The following PKD1 variants were observed in gnomAD, a reference collection of about 807,000 sequenced individuals.
The protein encoded by PKD1 is polycystin-1.
PKD1 carries 81 observed loss-of-function variants against 361.7 expected under a neutral mutation model. That is an observed-to-expected ratio of 0.22 (90% confidence interval 0.19 to 0.27). The LOEUF is 0.27. Ranked by LOEUF, PKD1 falls within the 10% of genes least tolerant of loss-of-function variation. The pLI, the probability that PKD1 is intolerant of heterozygous loss-of-function variation, is 1.00. For missense variants in PKD1, 6,399 were observed against 6,118.3 expected (o/e 1.05, Z -1.53); for synonymous variants, 3,615 against 2,818.3 (o/e 1.28, Z -8.95).
Position 2,090,437 on chromosome 16 carries a change from C to G in PKD1, c.12292G>C (p.Ala4098Pro), listed in dbSNP as rs1346816281. 1.2e-6 allele frequency: 2 copies of G among 1,612,514 alleles called. No homozygotes were observed. The highest frequency in any genetic ancestry group is 1.1e-5 in the South Asian group (1 of 91,072). The change falls in exon 45 of 46, where the codon GCC (alanine) becomes CCC (proline). Residue 4098 changes from alanine (A) to proline (P), a missense_variant. Coordinates refer to ENST00000262304, the MANE Select transcript of PKD1 (RefSeq NM_001009944.3). ...VGLWALRLWG[A>P]LRLGAVILRW... Reference sequence around the variant, plus strand: ...AGAATAACAGCCCCCAGCCGTAGGGCGCCCCACAGCCGCAGTGCCCAGAGC... The same window carrying G: ...AGAATAACAGCCCCCAGCCGTAGGGGGCCCCACAGCCGCAGTGCCCAGAGC...
chr16:2,092,446 G>C (rs530595186), intron 39 of PKD1, 34 bp downstream of exon 39: 2 of 1,400,654 alleles, frequency 1.4e-6, no homozygotes, highest in Non-Finnish European at 2.0e-6. Flanking sequence ...CAAGAGGAAC[G>C]ATTTAAGTCT....
At position 2,090,507 on chromosome 16, in the gene PKD1, C is replaced by G. The variant is rs1179715061; in HGVS notation, c.12222G>C (p.Leu4074=). The change falls in exon 45 of 46, where the codon CTG becomes CTC. Residue 4074 remains leucine (L), a synonymous_variant. Coordinates refer to ENST00000262304, the MANE Select transcript of PKD1 (RefSeq NM_001009944.3). ...VLCPGTGLST[L]CPAESWHLSP... is the part of the protein sequence containing the mutation. Reference sequence around the variant, plus strand: ...ACAGGTGCCAGGACTCGGCAGGACACAGGGTAGAGAGCCCAGTCCCAGGGC... The same window carrying G: ...ACAGGTGCCAGGACTCGGCAGGACAGAGGGTAGAGAGCCCAGTCCCAGGGC... 1.2e-5 allele frequency: 20 copies of G among 1,611,354 alleles called. No homozygotes were observed. Among genetic ancestry groups the G allele is most frequent in the Non-Finnish European group, 1.4e-5 (17 of 1,179,508 alleles).
intron 39 of PKD1, 38 bp downstream of exon 39, chr16:2,092,442 G>A (rs746300094): frequency 7.3e-6 from 10 of 1,376,432 alleles, no homozygotes; most frequent in Admixed American, 3.4e-5. Context: ...TCAACAAGAG[G>A]AACGATTTAA....
Position 2,106,425 on chromosome 16 carries a change from T to C in PKD1, c.7462A>G (p.Thr2488Ala). ...LFPLGAVHAL[T>A]TKVHFECTGW... ...GTGCATTCGAAGTGCACCTTGGTGG[T>C]GAGGGCGTGCACAGCGCCCAGTGGG... The change falls in exon 18 of 46, where the codon ACC becomes GCC. Residue 2488 changes from threonine to alanine, a missense_variant. Thr to Ala is a moderately conservative substitution (Grantham distance 58). Transcript: ENST00000262304. The surrounding 1 kb of genome is among the most constrained non-coding windows in gnomAD (Gnocchi z 6.5). 6.3e-7 allele frequency: 1 copy of C among 1,588,764 alleles called. No homozygotes were observed. The highest frequency in any genetic ancestry group is 1.1e-5 in the South Asian group (1 of 88,904).
chr16:2,105,719 G>C (rs575484597), intron 20 of PKD1, 146 bp downstream of exon 20: 1 of 1,274,302 alleles, frequency 7.8e-7, no homozygotes, highest in Non-Finnish European at 1.1e-6. Context: ...TGCTGGGAGC[G>C]GAAGGTCGGG....
Position 2,110,651 on chromosome 16 carries a change from C to G in PKD1, c.4516G>C (p.Gly1506Arg). ...ASYLWDLGDG[G>R]WLEGPEVTHA... ...GTGACCTCCGGACCCTCGAGCCACC[C>G]ACCGTCCCCCAGATCCCACAGGTAG... Residue 1506 changes from glycine (G) to arginine (R), a missense_variant, in exon 15 of 46, where the codon GGG becomes CGG. Physicochemically the swap from Gly to Arg is moderately radical, Grantham distance 125 (BLOSUM62 -2). Transcript: ENST00000262304. 1.2e-6 allele frequency: 2 copies of G among 1,610,068 alleles called. No homozygotes were observed. The highest frequency in any genetic ancestry group is 2.2e-5 in the South Asian group (2 of 90,980).
chr16:2,132,592 GAA>G (rs1156324208), intron 1 of PKD1, among the ~76,000 whole-genome samples: 2 of 134,552 alleles, frequency 1.5e-5, no homozygotes, highest in African/African-American at 3.0e-5. Flanking sequence ...AAAAAAAAAA[GAA>G]AAAAAAAAAG....
chr16:2,099,342 T>C, intron 30 of PKD1: 2 of 419,808 alleles, frequency 4.8e-6, no homozygotes, highest in Admixed American at 3.5e-5. Flanking sequence ...CTGGAGTGCA[T>C]TTCGGAAGCG....
Position 2,090,886 on chromosome 16 carries a change from T to G in PKD1, c.12001A>C (p.Lys4001Gln). 2 of 1,603,772 alleles carry G rather than the reference T, an allele frequency of 1.2e-6. No individual in the cohort carries two copies. The highest frequency in any genetic ancestry group is 1.7e-6 in the Non-Finnish European group (2 of 1,179,414). ...AASLLFLLLV[K>Q]AAQQLRFVRQ... The stretch of plus-strand genomic sequence containing the variant: ...GCGCCCACCGGCCCAGCCCTCACCT[T>G]GACCAAAAGCAGGAAGAGCAGCGAG... Residue 4001 changes from lysine (K) to glutamine (Q), a missense_variant and splice_region_variant, in exon 43 of 46, where the codon AAG (lysine) becomes CAG (glutamine). By Grantham distance (53) the Lys-to-Gln change is moderately conservative. Coordinates refer to ENST00000262304, the MANE Select transcript of PKD1 (RefSeq NM_001009944.3).
At chr16:2,126,882 G>A (rs538441558) in intron 1 of PKD1, among the ~76,000 whole-genome samples, 1 of 152,288 alleles carries the variant, frequency 6.6e-6, no homozygotes, top group African/African-American at 2.4e-5. Flanking sequence ...CATACCCTAG[G>A]GGACCCAGGG....
intron 30 of PKD1, chr16:2,099,410 C>T (rs946614404): frequency 5.0e-5 from 30 of 605,988 alleles, no homozygotes; most frequent in Middle Eastern, 8.7e-4. Context: ...TGCAGTCGTC[C>T]GTGGCGTCTG....
Position 2,105,436 on chromosome 16 carries a change from G to T in PKD1, c.7902C>A (p.His2634Gln). 6.3e-7 allele frequency: 1 copy of T among 1,588,652 alleles called. No homozygotes were observed. Among genetic ancestry groups the T allele is most frequent in the Non-Finnish European group, 8.5e-7 (1 of 1,174,558 alleles). Residue 2634 changes from histidine to glutamine, a missense_variant, in exon 21 of 46, where the codon CAC (histidine) becomes CAA (glutamine). By Grantham distance (24) the His-to-Gln change is conservative (BLOSUM62 0). Transcript: ENST00000262304. Reference sequence around the variant, plus strand: ...GTATCTGGGCTCGGTGCTGCCGCTCGTGCTTGGGCTCTGCCGCCACGTCCA... The same window carrying T: ...GTATCTGGGCTCGGTGCTGCCGCTCTTGCTTGGGCTCTGCCGCCACGTCCA... ...RALDVAAEPK[H>Q]ERQHRAQIRK...
chr16:2,124,758 CCCCCG>C (rs2092772462), intron 1 of PKD1, among the ~76,000 whole-genome samples: 1 of 152,222 alleles, frequency 6.6e-6, no homozygotes, highest in Non-Finnish European at 1.5e-5. Context: ...AGGCCCGGCA[CCCCCG>C]CCCGCGCTGG....
intron 39 of PKD1, 126 bp from the exon 40 acceptor site, chr16:2,092,314 C>A: frequency 9.1e-7 from 1 of 1,098,988 alleles, no homozygotes; most frequent in Non-Finnish European, 1.3e-6. Context: ...CAGCAGCCAT[C>A]AATTAGACAA....
rs149074709 is a variant in PKD1 at position 2,109,194 on chromosome 16, G to A, written c.5973C>T (p.Asn1991=). The change falls in exon 15 of 46, where the codon AAC becomes AAT. Residue 1991 remains asparagine (N), a synonymous_variant. Transcript: ENST00000262304. ...AGCCGCGCTGCACGCGGGCTGTGAAGTTCCTCTCAGTGCCCGTGGCGATGC... is the reference window on the plus strand; with the variant it reads ...AGCCGCGCTGCACGCGGGCTGTGAAATTCCTCTCAGTGCCCGTGGCGATGC... ...EPGIATGTER[N]FTARVQRGSR... is the part of the protein sequence containing the mutation. 109 of 1,597,346 alleles carry A rather than the reference G, an allele frequency of 6.8e-5. No individual in the cohort carries two copies. Among genetic ancestry groups the A allele is most frequent in the Admixed American group, 8.4e-5 (5 of 59,744 alleles).
In PKD1 at chr16:2,110,349, G is replaced by A. The variant is rs1177701584; in HGVS notation, c.4818C>T (p.Thr1606=). The A allele has an allele frequency of 1.2e-5, 20 of 1,612,550 alleles. No individual in the cohort carries two copies. The highest frequency in any genetic ancestry group is 3.3e-5 in the Admixed American group (2 of 60,000). ...TCTCAGCCGTGACGATGATATTGAA[G>A]GTGCCCACGGAGCGGAAGGTGTAAG... ...TISYTFRSVG[T]FNIIVTAENE... is the part of the protein sequence containing the mutation. The change falls in exon 15 of 46, where the codon ACC becomes ACT. Residue 1606 remains threonine (T), a synonymous_variant. Coordinates refer to ENST00000262304, the MANE Select transcript of PKD1 (RefSeq NM_001009944.3).
chr16:2,102,646 G>T lies in PKD1; in HGVS notation c.8949-13C>A, dbSNP rs371194388. ...TGGGTCTCTGCTCCTGGGCAGGGAA[G>T]GGGTAGCGGACGTGAGCCCAGGCTC... On this transcript the variant is annotated splice_polypyrimidine_tract_variant and intron_variant, in intron 24 of 45. Coordinates refer to ENST00000262304, the MANE Select transcript of PKD1 (RefSeq NM_001009944.3). 3 of 1,610,898 alleles carry T rather than the reference G, an allele frequency of 1.9e-6. No individual in the cohort carries two copies. The highest frequency in any genetic ancestry group is 2.5e-6 in the Non-Finnish European group (3 of 1,179,766).
Position 2,116,192 on chromosome 16 carries a change from T to G in PKD1, c.1723-74A>C, listed in dbSNP as rs763895988. The G allele has an allele frequency of 2.4e-4, 355 of 1,492,280 alleles. No homozygotes were observed. The highest frequency in any genetic ancestry group is 2.9e-4 in the Non-Finnish European group (322 of 1,097,654). 92.4% of individuals were successfully genotyped at this position (1,492,280 alleles called of 1,614,324 possible). ...AAGCCCAGACTCCCCCTACCCGAAC[T>G]TCCCAGGAAGAGGGGAGGGAAGGAG... is the stretch of plus-strand genomic sequence containing the variant. On this transcript the variant is annotated intron_variant, in intron 8 of 45. Coordinates refer to ENST00000262304, the MANE Select transcript of PKD1 (RefSeq NM_001009944.3).
chr16:2,129,138 G>C (rs2092835652), intron 1 of PKD1, among the ~76,000 whole-genome samples: 1 of 151,140 alleles, frequency 6.6e-6, no homozygotes. Context: ...TGAGATTACA[G>C]GCGTGAACCA....
Sources: gnomAD v4.1 joint callset for allele counts (sites outside exome capture counted in the v4.1 genomes callset) on GRCh38, gnomAD v4.1.1 for gene constraint, Gnocchi (gnomAD v3.1) non-coding constraint, MANE v1.5 for transcripts, NCBI Gene and HGNC (gene_info 2026-07-23, HGNC 2026-07-21) for gene names.